Variants in SPIDR observed in about 807,000 individuals in gnomAD.
The protein encoded by SPIDR is scaffold protein involved in DNA repair.
A neutral mutation model predicts 104.6 loss-of-function variants in SPIDR; 93 were observed. The ratio of observed to expected loss-of-function variants is 0.89; its 90% CI spans 0.75 to 1.06. The LOEUF is 1.06. Among genes scored for constraint, SPIDR ranks in the 50% least tolerant of loss-of-function variants. The pLI is 0.00. For missense variants in SPIDR, 1,154 were observed against 1,111.2 expected, an observed-to-expected ratio of 1.04 and a Z score of -0.55; for synonymous variants, 431 against 416.9, an observed-to-expected ratio of 1.03 and a Z score of -0.41.
At chr8:47,475,305 G>A (rs1175824593) in intron 8 of SPIDR, among the ~76,000 whole-genome samples, 4 of 152,164 alleles carry the variant, frequency 2.6e-5, no homozygotes, top group South Asian at 2.1e-4. Context: ...ATGCCCTGCC[G>A]GGCCCAGAGC....
intron 8 of SPIDR, among the ~76,000 whole-genome samples, chr8:47,571,393 T>C (rs2058509347): frequency 6.6e-6 from 1 of 152,172 alleles, no homozygotes; most frequent in South Asian, 2.1e-4. Context: ...GTCCCTCTTA[T>C]ATGTATTTGA....
chr8:47,280,485 C>T (rs1032461200), intron 2 of SPIDR, among the ~76,000 whole-genome samples: 12 of 151,926 alleles, frequency 7.9e-5, no homozygotes, highest in Non-Finnish European at 1.6e-4. Flanking sequence ...CTCCGCCTCC[C>T]GGGTTCAAGC....
intron 5 of SPIDR, among the ~76,000 whole-genome samples, chr8:47,393,630 TTTTTC>T (rs1294778173): frequency 2.6e-5 from 4 of 151,696 alleles, no homozygotes; most frequent in South Asian, 2.1e-4. Context: ...CTTTTCTTTT[TTTTTC>T]TTTTCTTTTC....
intron 10 of SPIDR, among the ~76,000 whole-genome samples, chr8:47,625,103 A>C (rs947089082): frequency 7.2e-5 from 11 of 152,236 alleles, no homozygotes; most frequent in African/African-American, 2.4e-4. Context: ...CAATAAATGT[A>C]ATCCAGCATA....
chr8:47,726,067 C>T lies in SPIDR; in HGVS notation c.2342-1133C>T, dbSNP rs546821859. On this transcript the variant is annotated intron_variant, in intron 16 of 19. Transcript: ENST00000297423. ...CCCCGGCTCCTTTCTCCACTTGCAC[C>T]TCCTCATGTGCCTGCCCATTGTGAA... Among the ~76,000 whole-genome samples the T allele has an allele frequency of 2.0e-5, 3 of 152,382 alleles. No homozygotes were observed. The South Asian group carries it at 6.2e-4, about 32-fold the overall frequency.
At chr8:47,695,086 A>G (rs141865263) in intron 11 of SPIDR, among the ~76,000 whole-genome samples, 1 of 152,272 alleles carries the variant, frequency 6.6e-6, no homozygotes, top group African/African-American at 2.4e-5. Context: ...TTGTAATATC[A>G]CACATCATGG....
intron 7 of SPIDR, among the ~76,000 whole-genome samples, chr8:47,422,535 T>C (rs1017700869): frequency 6.6e-6 from 1 of 152,234 alleles, no homozygotes; most frequent in African/African-American, 2.4e-5. Flanking sequence ...GGAAAGGGAA[T>C]TCCCTGACCC....
intron 5 of SPIDR, among the ~76,000 whole-genome samples, chr8:47,352,014 C>T (rs1554622662): frequency 6.6e-6 from 1 of 152,168 alleles, no homozygotes; most frequent in African/African-American, 2.4e-5. Context: ...CGCAGTGGCT[C>T]ACGCCTGTAA....
intron 8 of SPIDR, among the ~76,000 whole-genome samples, chr8:47,476,504 G>A (rs538975414): frequency 1.3e-5 from 2 of 152,132 alleles, no homozygotes; most frequent in South Asian, 2.1e-4. Flanking sequence ...AGACACAGTC[G>A]TGCCATTGTG....
chr8:47,281,789 G>C (rs906213426), intron 2 of SPIDR, among the ~76,000 whole-genome samples: 1 of 152,338 alleles, frequency 6.6e-6, no homozygotes, highest in South Asian at 2.1e-4. Context: ...CATGAATCAT[G>C]AATGTTCCTA....
chr8:47,571,790 T>A (rs975573214), intron 8 of SPIDR, among the ~76,000 whole-genome samples: 1 of 152,188 alleles, frequency 6.6e-6, no homozygotes, highest in Non-Finnish European at 1.5e-5. Flanking sequence ...AATAATAAAG[T>A]AGAACAATTA....
At chr8:47,452,132 G>A (rs1225660159) in intron 8 of SPIDR, among the ~76,000 whole-genome samples, 1 of 152,178 alleles carries the variant, frequency 6.6e-6, no homozygotes, top group Non-Finnish European at 1.5e-5. Flanking sequence ...TGAAGTTGAT[G>A]AAACCCAAAG....
intron 10 of SPIDR, among the ~76,000 whole-genome samples, chr8:47,647,641 A>AGAGAGAGAGAGAGAGAGG (rs1563415769): frequency 5.5e-5 from 8 of 145,020 alleles, no homozygotes; most frequent in African/African-American, 1.8e-4. Context: ...AGAGAGAGAG[A>AGAGAGAGAGAGAGAGAGG]GAGAGAGAGA....
chr8:47,345,234 T>G lies in SPIDR; in HGVS notation c.526-51142T>G, dbSNP rs1390111856. 5.3e-5 allele frequency among the ~76,000 whole-genome samples: 8 copies of G among 152,328 alleles called. No individual in the cohort carries two copies. In the South Asian group the frequency reaches 1.0e-3, roughly 20 times the overall value. ...TTAAATAGGGAATCCTTTCCCCATT[T>G]CTTGTTTTTGTCAGATTTGTCAAAG... On this transcript the variant is annotated intron_variant, in intron 5 of 19. Coordinates refer to ENST00000297423, the MANE Select transcript of SPIDR (RefSeq NM_001080394.4).
intron 7 of SPIDR, among the ~76,000 whole-genome samples, chr8:47,410,909 G>A (rs1446954864): frequency 6.6e-6 from 1 of 152,120 alleles, no homozygotes; most frequent in African/African-American, 2.4e-5. Flanking sequence ...AACACGTGGT[G>A]TTCGGTTTTT....
At chr8:47,589,565 G>T (rs996240665) in intron 8 of SPIDR, among the ~76,000 whole-genome samples, 1 of 151,792 alleles carries the variant, frequency 6.6e-6, no homozygotes, top group African/African-American at 2.4e-5. Flanking sequence ...TTCCTTAATA[G>T]TTATAGGCTA....
intron 10 of SPIDR, among the ~76,000 whole-genome samples, chr8:47,615,722 T>G (rs570528769): frequency 5.5e-4 from 83 of 152,252 alleles, no homozygotes; most frequent in African/African-American, 1.8e-3. Context: ...TTGGCCAGGC[T>G]GGTGAGCCTT....
intron 5 of SPIDR, among the ~76,000 whole-genome samples, chr8:47,319,823 GAAC>G: frequency 6.6e-6 from 1 of 152,156 alleles, no homozygotes; most frequent in South Asian, 2.1e-4. Context: ...CATGGAAACT[GAAC>G]AACCTGCTCC....
intron 16 of SPIDR, among the ~76,000 whole-genome samples, chr8:47,718,404 A>G (rs557143472): frequency 5.8e-4 from 88 of 152,292 alleles, no homozygotes; most frequent in Admixed American, 2.2e-3. Context: ...TCATTTTACA[A>G]ATTGGTGGGA....
Sources: gnomAD v4.1 joint callset for allele counts (sites outside exome capture counted in the v4.1 genomes callset) on GRCh38, gnomAD v4.1.1 for gene constraint, MANE v1.5 for transcripts, NCBI Gene and HGNC (gene_info 2026-07-23, HGNC 2026-07-21) for gene names.